Variants in AGMO observed in about 807,000 individuals in gnomAD.
AGMO encodes the protein glyceryl-ether monooxygenase.
Under a neutral mutation model 60.2 loss-of-function variants are expected in AGMO, and 75 were observed. That is an observed-to-expected ratio of 1.25 (90% CI 1.03 to 1.51). The LOEUF (loss-of-function observed/expected upper bound fraction) is 1.51, where lower values mean the gene tolerates loss of function less well. Among genes scored for constraint, AGMO ranks in the 40% most tolerant of loss-of-function variants. The probability of loss-of-function intolerance (pLI) is 0.00; values close to 1 mark genes in which losing one functional copy is unlikely to be tolerated. For missense variants in AGMO, 763 were observed against 525.5 expected (o/e 1.45, Z -4.42); for synonymous variants, 261 against 177.1 (o/e 1.47, Z -3.76).
intron 12 of AGMO, among the ~76,000 whole-genome samples, chr7:15,336,524 G>A (rs1015617545): frequency 2.6e-5 from 4 of 152,110 alleles, no homozygotes; most frequent in Non-Finnish European, 5.9e-5. Context: ...AAGGACTGCT[G>A]TTGAATAGAA....
At chr7:15,466,167 A>G (rs1404984324) in intron 3 of AGMO, among the ~76,000 whole-genome samples, 1 of 152,162 alleles carries the variant, frequency 6.6e-6, no homozygotes, top group African/African-American at 2.4e-5. Context: ...GGCAGTGATA[A>G]TAGTTCATAT....
intron 12 of AGMO, among the ~76,000 whole-genome samples, chr7:15,341,099 G>C (rs925874069): frequency 6.6e-6 from 1 of 152,158 alleles, no homozygotes; most frequent in African/African-American, 2.4e-5. Flanking sequence ...AGAGCTTGAA[G>C]GTCTTTGACA....
chr7:15,432,141 A>G (rs1238605837), intron 3 of AGMO, among the ~76,000 whole-genome samples: 1 of 151,606 alleles, frequency 6.6e-6, no homozygotes, highest in Non-Finnish European at 1.5e-5. Context: ...CCTTGCCAGT[A>G]TAGGTTAGAA....
chr7:15,393,844 T>C (rs895323326), intron 6 of AGMO, among the ~76,000 whole-genome samples: 1 of 152,144 alleles, frequency 6.6e-6, no homozygotes, highest in Non-Finnish European at 1.5e-5. Context: ...GTTAACTCAT[T>C]TTCTACAACA....
chr7:15,469,182 T>A (rs377572333), intron 3 of AGMO, among the ~76,000 whole-genome samples: 1 of 152,100 alleles, frequency 6.6e-6, no homozygotes, highest in Admixed American at 6.6e-5. Context: ...ACATGTGCTT[T>A]AGAATTGCTC....
intron 12 of AGMO, among the ~76,000 whole-genome samples, chr7:15,336,419 AAAAAAAAAAG>A (rs890583150): frequency 2.4e-5 from 3 of 122,988 alleles, no homozygotes; most frequent in African/African-American, 1.0e-4. Flanking sequence ...TCAATATGGC[AAAAAAAAAAG>A]AAAAAAAAAC....
chr7:15,180,476 G>C, the AGMO span, among the ~76,000 whole-genome samples: 234 of 151,636 alleles, frequency 1.5e-3, 1 homozygote, highest in Non-Finnish European at 3.0e-3. Flanking sequence ...TTAATACTTT[G>C]TTCATTTCTG....
intron 12 of AGMO, among the ~76,000 whole-genome samples, chr7:15,248,204 A>ATATATG (rs1782816319): frequency 2.1e-5 from 2 of 95,264 alleles, no homozygotes; most frequent in Non-Finnish European, 4.4e-5. Flanking sequence ...ATATATATAT[A>ATATATG]TATATATATA....
At chr7:15,557,415 G>A (rs772004328) in intron 2 of AGMO, among the ~76,000 whole-genome samples, 1 of 151,972 alleles carries the variant, frequency 6.6e-6, no homozygotes, top group African/African-American at 2.4e-5. Flanking sequence ...GATCATTGCC[G>A]TGTTAATCTA....
At chr7:15,557,314 C>T (rs1009502876) in intron 2 of AGMO, among the ~76,000 whole-genome samples, 2 of 152,040 alleles carry the variant, frequency 1.3e-5, no homozygotes, top group Non-Finnish European at 2.9e-5. Flanking sequence ...AAAAGGCATA[C>T]TACCATTTGT....
chr7:15,129,457 G>C, the AGMO span, among the ~76,000 whole-genome samples: 4 of 152,040 alleles, frequency 2.6e-5, no homozygotes, highest in Non-Finnish European at 5.9e-5. Context: ...AATCTTTTTT[G>C]TGTGAAAAAT....
At chr7:15,463,238 T>A (rs560577858) in intron 3 of AGMO, among the ~76,000 whole-genome samples, 2 of 152,182 alleles carry the variant, frequency 1.3e-5, no homozygotes, top group Non-Finnish European at 2.9e-5. Context: ...TGTTCTTGCT[T>A]GTCATAAGTA....
chr7:15,472,037 T>C (rs1202467799), intron 3 of AGMO, among the ~76,000 whole-genome samples: 2 of 151,874 alleles, frequency 1.3e-5, no homozygotes, highest in East Asian at 1.9e-4. Context: ...GATACAGCCA[T>C]TCAAAATGCT....
chr7:15,179,556 C>G, the AGMO span, among the ~76,000 whole-genome samples: 2 of 152,154 alleles, frequency 1.3e-5, no homozygotes, highest in South Asian at 4.1e-4. Context: ...CCTGAGGTCT[C>G]AGGCAGCCCT....
At chr7:15,267,332 A>T (rs1220758342) in intron 12 of AGMO, among the ~76,000 whole-genome samples, 2 of 152,004 alleles carry the variant, frequency 1.3e-5, no homozygotes, top group African/African-American at 4.8e-5. Context: ...AATGATAGCT[A>T]GTATCAGTAT....
chr7:15,275,749 G>A (rs1420807470), intron 12 of AGMO, among the ~76,000 whole-genome samples: 1 of 151,940 alleles, frequency 6.6e-6, no homozygotes, highest in African/African-American at 2.4e-5. Context: ...TTAGGATGGT[G>A]ATATCTTTTT....
intron 10 of AGMO, among the ~76,000 whole-genome samples, chr7:15,376,192 T>A (rs536096732): frequency 1.1e-4 from 16 of 152,056 alleles, no homozygotes; most frequent in African/African-American, 1.9e-4. Flanking sequence ...ATTCCTTTTT[T>A]TTCCCCCACA....
chr7:15,130,724 TG>T, the AGMO span, among the ~76,000 whole-genome samples: 2 of 152,170 alleles, frequency 1.3e-5, no homozygotes, highest in Non-Finnish European at 2.9e-5. Context: ...GTTAAAATAT[TG>T]CTTAAAGGAA....
chr7:15,155,940 C>T, the AGMO span, among the ~76,000 whole-genome samples: 1 of 152,206 alleles, frequency 6.6e-6, no homozygotes, highest in Admixed American at 6.5e-5. Flanking sequence ...CATGCTCTAA[C>T]CCTGAGGAGT....
Sources: allele counts gnomAD v4.1 joint callset (sites outside exome capture counted in the v4.1 genomes callset), GRCh38; gene constraint gnomAD v4.1.1; transcripts MANE v1.5; gene names NCBI Gene and HGNC (gene_info 2026-07-23, HGNC 2026-07-21).